The following PTPRM variants were observed in gnomAD, a reference collection of about 807,000 sequenced individuals.
The protein encoded by PTPRM is protein tyrosine phosphatase receptor type M.
In PTPRM, 47 loss-of-function variants were observed where a neutral mutation model predicts 186.7. The observed-to-expected ratio is 0.25, with a 90% CI of 0.20 to 0.32. The LOEUF is 0.32. PTPRM is among the 10% of genes least tolerant of loss of function. PTPRM has a pLI of 1.00. For missense variants in PTPRM, 1,494 were observed against 1,865.0 expected, an observed-to-expected ratio of 0.80 and a Z score of 3.66; for synonymous variants, 668 against 674.9, an observed-to-expected ratio of 0.99 and a Z score of 0.16.
At chr18:8,253,511 C>G (rs958529867) in intron 19 of PTPRM, 97 bp downstream of exon 19, 3 of 1,161,872 alleles carry the variant, frequency 2.6e-6, no homozygotes, top group Non-Finnish European at 3.4e-6. Flanking sequence ...GAGAAAACCC[C>G]CTGCCCCGAG....
intron 20 of PTPRM, among the ~76,000 whole-genome samples, chr18:8,304,438 T>A (rs1478971691): frequency 6.6e-6 from 1 of 152,192 alleles, no homozygotes; most frequent in Non-Finnish European, 1.5e-5. Context: ...GGTCTTTATG[T>A]GCCTGTTTCT....
intron 17 of PTPRM, among the ~76,000 whole-genome samples, chr18:8,250,081 C>G (rs1322937784): frequency 6.6e-6 from 1 of 152,130 alleles, no homozygotes; most frequent in African/African-American, 2.4e-5. Context: ...ACAAAGACAA[C>G]AAGAAATGTC....
intron 2 of PTPRM, among the ~76,000 whole-genome samples, chr18:7,831,714 C>T (rs970954015): frequency 6.6e-6 from 1 of 152,136 alleles, no homozygotes; most frequent in Non-Finnish European, 1.5e-5. Flanking sequence ...GTCTTATTCA[C>T]TCTGTTTTTT....
At chr18:8,356,340 G>A (rs1217293766) in intron 23 of PTPRM, among the ~76,000 whole-genome samples, 1 of 152,218 alleles carries the variant, frequency 6.6e-6, no homozygotes, top group Non-Finnish European at 1.5e-5. Flanking sequence ...AAGAGAGGGA[G>A]AGACTGGACA....
chr18:8,170,106 C>T (rs2093376413), intron 14 of PTPRM, among the ~76,000 whole-genome samples: 1 of 152,182 alleles, frequency 6.6e-6, no homozygotes, highest in Non-Finnish European at 1.5e-5. Flanking sequence ...AGTTTCTGCA[C>T]ACATTTCTTT....
intron 2 of PTPRM, among the ~76,000 whole-genome samples, chr18:7,787,065 TCAAA>T (rs1282407825): frequency 6.6e-6 from 1 of 152,164 alleles, no homozygotes; most frequent in South Asian, 2.1e-4. Context: ...TATACATCAG[TCAAA>T]CAAAGACTTT....
chr18:7,865,200 G>C (rs1377276943), intron 2 of PTPRM, among the ~76,000 whole-genome samples: 1 of 152,050 alleles, frequency 6.6e-6, no homozygotes, highest in African/African-American at 2.4e-5. Context: ...TCTTTCTCTT[G>C]CCTGATTGCC....
At chr18:8,293,095 A>G (rs2095058916) in intron 19 of PTPRM, among the ~76,000 whole-genome samples, 1 of 152,186 alleles carries the variant, frequency 6.6e-6, no homozygotes, top group African/African-American at 2.4e-5. Context: ...GGACTCATTC[A>G]TCTGCACATA....
chr18:7,772,231 A>G (rs182385932), intron 1 of PTPRM, among the ~76,000 whole-genome samples: 1 of 140,324 alleles, frequency 7.1e-6, no homozygotes, highest in Admixed American at 7.1e-5. Flanking sequence ...TTCCTGTGCA[A>G]AAGCTAAGAT....
At chr18:7,953,978 A>G (rs149142739) in intron 6 of PTPRM, among the ~76,000 whole-genome samples, 1 of 152,190 alleles carries the variant, frequency 6.6e-6, no homozygotes, top group Non-Finnish European at 1.5e-5. Context: ...CCATAGATAC[A>G]GTCTTGAAAA....
chr18:8,089,151 A>C (rs1383818657), intron 11 of PTPRM, among the ~76,000 whole-genome samples: 1 of 152,142 alleles, frequency 6.6e-6, no homozygotes. Context: ...TGCTTGATGC[A>C]ATTTGGTTAC....
intron 7 of PTPRM, among the ~76,000 whole-genome samples, chr18:7,966,973 C>G (rs1020493090): frequency 8.4e-6 from 1 of 119,396 alleles, no homozygotes; most frequent in African/African-American, 2.7e-5. Flanking sequence ...GGAGGCCTGC[C>G]TGCCTCTGTA....
intron 1 of PTPRM, among the ~76,000 whole-genome samples, chr18:7,632,840 A>G (rs373722203): frequency 2.0e-5 from 3 of 152,188 alleles, no homozygotes; most frequent in East Asian, 3.9e-4. Context: ...AAGGGATGAA[A>G]ATGTCTAAAA....
chr18:7,628,885 A>G (rs1021363049), intron 1 of PTPRM, among the ~76,000 whole-genome samples: 2 of 152,206 alleles, frequency 1.3e-5, no homozygotes, highest in African/African-American at 4.8e-5. Context: ...AGAAGGCACT[A>G]TTACTATCCC....
intron 19 of PTPRM, among the ~76,000 whole-genome samples, chr18:8,282,079 A>G (rs2094909904): frequency 6.6e-6 from 1 of 152,210 alleles, no homozygotes; most frequent in African/African-American, 2.4e-5. Flanking sequence ...AATTCTAAAA[A>G]TTTAGTTTAA....
intron 2 of PTPRM, among the ~76,000 whole-genome samples, chr18:7,784,914 G>A (rs892184371): frequency 2.0e-5 from 3 of 152,188 alleles, no homozygotes; most frequent in Non-Finnish European, 4.4e-5. Context: ...CACCCAGTTG[G>A]AGGCCATGGG....
At chr18:8,334,315 C>T (rs2095427221) in intron 22 of PTPRM, among the ~76,000 whole-genome samples, 1 of 152,214 alleles carries the variant, frequency 6.6e-6, no homozygotes, top group African/African-American at 2.4e-5. Context: ...CCCAGTCCTC[C>T]CTGGTCTGAA....
intron 1 of PTPRM, among the ~76,000 whole-genome samples, chr18:7,678,476 A>T (rs2039401650): frequency 1.3e-5 from 2 of 152,134 alleles, no homozygotes; most frequent in Admixed American, 1.3e-4. Flanking sequence ...GAGCACAGGC[A>T]TTTTGTACCC....
chr18:8,203,507 AG>A (rs2093886047), intron 14 of PTPRM, among the ~76,000 whole-genome samples: 1 of 152,204 alleles, frequency 6.6e-6, no homozygotes, highest in Non-Finnish European at 1.5e-5. Flanking sequence ...CAAAATGAAA[AG>A]TTTAAAAGAC....
Sources: gnomAD v4.1 joint callset for allele counts (sites outside exome capture counted in the v4.1 genomes callset) on GRCh38, gnomAD v4.1.1 for gene constraint, MANE v1.5 for transcripts, NCBI Gene and HGNC (gene_info 2026-07-23, HGNC 2026-07-21) for gene names.